ANKRD33B: variants seen among roughly 807,000 people sequenced by gnomAD.
ANKRD33B encodes the protein ankyrin repeat domain 33B, also known as ankyrin repeat domain-containing protein 33B.
Under a neutral mutation model 21.5 loss-of-function variants are expected in ANKRD33B, and 6 were observed. The ratio of observed to expected loss-of-function variants is 0.28; its 90% CI spans 0.15 to 0.55. ANKRD33B has a LOEUF of 0.55. Ranked by LOEUF, ANKRD33B falls within the 20% of genes least tolerant of loss-of-function variation. The pLI is 0.94. For missense variants in ANKRD33B, 698 were observed against 747.2 expected (o/e 0.93, Z 0.77); for synonymous variants, 347 against 342.4 (o/e 1.01, Z -0.15).
At chr5:10,629,160 G>A (rs75587499) in intron 2 of ANKRD33B, among the ~76,000 whole-genome samples, 4,444 of 152,276 alleles carry the variant, frequency 0.029, 105 homozygotes, top group Non-Finnish European at 0.044. Context: ...TGGTGTCACC[G>A]TGCTGCTGGT....
chr5:10,612,290 CA>C (rs1200973989), intron 1 of ANKRD33B, among the ~76,000 whole-genome samples: 22 of 152,252 alleles, frequency 1.4e-4, no homozygotes, highest in Admixed American at 1.4e-3. Context: ...CTGGGAAGTC[CA>C]AGATCATGGG....
intron 1 of ANKRD33B, among the ~76,000 whole-genome samples, chr5:10,574,344 C>T (rs1298361845): frequency 6.6e-6 from 1 of 151,990 alleles, no homozygotes; most frequent in African/African-American, 2.4e-5. Flanking sequence ...TAAAGCCAAG[C>T]TCAAGAAAAT....
intron 1 of ANKRD33B, among the ~76,000 whole-genome samples, chr5:10,584,102 A>T (rs1735503559): frequency 6.6e-6 from 1 of 152,212 alleles, no homozygotes. Context: ...GAAATTAATG[A>T]GGGGCCAGAG....
intron 1 of ANKRD33B, among the ~76,000 whole-genome samples, chr5:10,571,832 C>A (rs1326849152): frequency 6.6e-6 from 1 of 151,880 alleles, no homozygotes; most frequent in Non-Finnish European, 1.5e-5. Flanking sequence ...GTGCCCAGGC[C>A]ACATCTCAGA....
chr5:10,632,913 G>C (rs55939209), intron 2 of ANKRD33B, among the ~76,000 whole-genome samples: 4 of 151,556 alleles, frequency 2.6e-5, no homozygotes, highest in Non-Finnish European at 4.4e-5. Flanking sequence ...TCAGCCTCCC[G>C]AGTAGCTGGG....
At chr5:10,611,731 A>G (rs1275128628) in intron 1 of ANKRD33B, among the ~76,000 whole-genome samples, 4 of 152,238 alleles carry the variant, frequency 2.6e-5, no homozygotes, top group Admixed American at 2.6e-4. Flanking sequence ...CAAGATACTA[A>G]CAATCACACT....
At chr5:10,629,805 C>T (rs748935333) in intron 2 of ANKRD33B, among the ~76,000 whole-genome samples, 1 of 152,108 alleles carries the variant, frequency 6.6e-6, no homozygotes, top group African/African-American at 2.4e-5. Flanking sequence ...GGGTGAGCAT[C>T]TGCATGTCCA....
At chr5:10,566,692 G>A (rs557052083) in intron 1 of ANKRD33B, among the ~76,000 whole-genome samples, 1 of 152,224 alleles carries the variant, frequency 6.6e-6, no homozygotes, top group Non-Finnish European at 1.5e-5. Context: ...CCAGGGGCTC[G>A]AGCCTAACAG....
chr5:10,599,496 C>G (rs1735887466), intron 1 of ANKRD33B, among the ~76,000 whole-genome samples: 3 of 152,160 alleles, frequency 2.0e-5, no homozygotes, highest in Admixed American at 2.0e-4. Context: ...CTCCTACCCT[C>G]TTCCCCTCAG....
rs374378483 is a variant in ANKRD33B at position 10,639,544 on chromosome 5, T to C, written c.637+1376T>C. Among the ~76,000 whole-genome samples the C allele has an allele frequency of 1.6e-3, 34 of 20,820 alleles. 7 individuals are homozygous for C. In the East Asian group the frequency reaches 0.028, roughly 17 times the overall value. 13.7% of individuals were successfully genotyped at this position (20,820 alleles called of 152,430 possible). ...TGCGCGGCGATGTTAGGCGGTGACG[T>C]GGAGTTGCGCGGCGATGTTAGGCGG... On this transcript the variant is annotated intron_variant, in intron 3 of 3. Transcript: ENST00000296657.
intron 1 of ANKRD33B, among the ~76,000 whole-genome samples, chr5:10,609,783 C>T (rs563036020): frequency 2.7e-5 from 4 of 149,426 alleles, no homozygotes; most frequent in African/African-American, 1.0e-4. Context: ...GTGGCAGGCA[C>T]CTGTAATCTC....
At chr5:10,582,006 C>T (rs1024554936) in intron 1 of ANKRD33B, among the ~76,000 whole-genome samples, 6 of 152,226 alleles carry the variant, frequency 3.9e-5, no homozygotes, top group African/African-American at 1.2e-4. Flanking sequence ...CTCAGGCTCA[C>T]GCAGCTGGTG....
intron 2 of ANKRD33B, among the ~76,000 whole-genome samples, chr5:10,633,727 G>A (rs1415411460): frequency 6.6e-6 from 1 of 152,130 alleles, no homozygotes; most frequent in African/African-American, 2.4e-5. Flanking sequence ...TCATGACCTC[G>A]ACAGTTTTGA....
At chr5:10,646,806 A>G (rs1223759522) in intron 3 of ANKRD33B, among the ~76,000 whole-genome samples, 2 of 152,150 alleles carry the variant, frequency 1.3e-5, no homozygotes, top group African/African-American at 4.8e-5. Flanking sequence ...TAATATGGCT[A>G]TTCTTTAATG....
In ANKRD33B at chr5:10,564,425, C is replaced by A. The variant is rs1360593109; in HGVS notation, c.-43C>A. On this transcript the variant is annotated 5_prime_UTR_variant, in exon 1 of 4. Coordinates refer to ENST00000296657, the MANE Select transcript of ANKRD33B (RefSeq NM_001164440.2). ...GGCGCGCGCCCCGCGTCCCGCTCTT[C>A]CTGCCCGCGCCCCGGCCCCCGGCCC... The A allele has an allele frequency of 1.1e-5, 11 of 1,037,662 alleles. No homozygotes were observed. The East Asian group carries it at 3.5e-4, about 33-fold the overall frequency. The allele number at this position is 1,037,662 out of a possible 1,614,324, so 64.3% of individuals were successfully genotyped here.
chr5:10,641,186 G>A (rs1213200126), intron 3 of ANKRD33B, among the ~76,000 whole-genome samples: 1 of 139,718 alleles, frequency 7.2e-6, no homozygotes, highest in African/African-American at 2.7e-5. Context: ...ACATTTAGTT[G>A]TCTTCTTCTT....
At chr5:10,649,098 C>G (rs890972894) in intron 3 of ANKRD33B, among the ~76,000 whole-genome samples, 168 bp from the exon 4 acceptor site, 3 of 121,440 alleles carry the variant, frequency 2.5e-5, no homozygotes, top group Non-Finnish European at 5.4e-5. Context: ...CGCCTTCCGG[C>G]GCTCAGATGA....
rs1351554077 is a variant in ANKRD33B at position 10,619,270 on chromosome 5, G to T, written c.496+808G>T. ...AAGCTGCCTGCAGCTGAGCCAGGAA[G>T]AACAGGCGCTTGTGTGTTGAAGGAA... On this transcript the variant is annotated intron_variant, in intron 2 of 3. Transcript: ENST00000296657. This position sits in a 1 kb window ranked among gnomAD's most constrained non-coding sequence, Gnocchi z 4.5. 4.1e-6 allele frequency: 4 copies of T among 984,252 alleles called. No individual in the cohort carries two copies. The highest frequency in any genetic ancestry group is 4.8e-6 in the Non-Finnish European group (4 of 828,864). 61.0% of individuals were successfully genotyped at this position (984,252 alleles called of 1,614,324 possible).
chr5:10,564,876 C>CCACTCCCCT, intron 1 of ANKRD33B, 43 bp downstream of exon 1: 1 of 1,460,156 alleles, frequency 6.8e-7, no homozygotes, highest in Non-Finnish European at 9.1e-7. Context: ...CTCACTGCCC[C>CCACTCCCCT]CACTCCCCTC....
Sources: allele counts gnomAD v4.1 joint callset (sites outside exome capture counted in the v4.1 genomes callset), GRCh38; gene constraint gnomAD v4.1.1; non-coding constraint Gnocchi (gnomAD v3.1); transcripts MANE v1.5; gene names NCBI Gene and HGNC (gene_info 2026-07-23, HGNC 2026-07-21).